ACTN4: variants seen among roughly 807,000 people sequenced by gnomAD.
ACTN4 encodes actinin alpha 4.
ACTN4 carries 18 observed loss-of-function variants against 114.2 expected under a neutral mutation model. That is an observed-to-expected ratio of 0.16 (90% CI 0.11 to 0.23). The LOEUF is 0.23. Ranked by LOEUF, ACTN4 falls within the 10% of genes least tolerant of loss-of-function variation. The pLI, the probability that ACTN4 is intolerant of heterozygous loss-of-function variation, is 1.00. For missense variants in ACTN4, 722 were observed against 1,262.9 expected (o/e 0.57, Z 6.49); for synonymous variants, 515 against 506.3 (o/e 1.02, Z -0.23).
At chr19:38,690,374 C>G (rs1450155377) in intron 1 of ACTN4, among the ~76,000 whole-genome samples, 1 of 152,258 alleles carries the variant, frequency 6.6e-6, no homozygotes, top group African/African-American at 2.4e-5. Flanking sequence ...CCCATTGCTG[C>G]TCATTCGGGC....
Position 38,727,606 on chromosome 19 carries a change from C to T in ACTN4, c.2338-340C>T, listed in dbSNP as rs147866444. Among the ~76,000 whole-genome samples, 3 of 151,644 alleles carry T rather than the reference C, an allele frequency of 2.0e-5. No homozygotes were observed. The highest frequency in any genetic ancestry group is 4.4e-5 in the Non-Finnish European group (3 of 67,878). ...GGATACAGTCCCCTCTGTCCCACTC[C>T]AAATCCCAAAGGCAAGGAGAACCCC... On this transcript the variant is annotated intron_variant, in intron 18 of 20. Coordinates refer to ENST00000252699, the MANE Select transcript of ACTN4 (RefSeq NM_004924.6). This position sits in a 1 kb window ranked among gnomAD's most constrained non-coding sequence, Gnocchi z 5.4.
intron 1 of ACTN4, among the ~76,000 whole-genome samples, chr19:38,694,999 C>T (rs924090827): frequency 2.0e-5 from 3 of 152,138 alleles, no homozygotes; most frequent in Non-Finnish European, 4.4e-5. Context: ...CTCAGCCTCT[C>T]GAGTAGCTGG....
intron 1 of ACTN4, among the ~76,000 whole-genome samples, chr19:38,686,890 C>T (rs984574999): frequency 2.0e-5 from 3 of 152,058 alleles, no homozygotes; most frequent in Non-Finnish European, 2.9e-5. Flanking sequence ...CCCGGGCCGC[C>T]TATCCCCCTT....
intron 1 of ACTN4, among the ~76,000 whole-genome samples, chr19:38,650,696 C>G (rs1411911521): frequency 6.6e-6 from 1 of 152,160 alleles, no homozygotes; most frequent in Non-Finnish European, 1.5e-5. Context: ...GGCTCTCTAC[C>G]TTCCTACTAA....
At chr19:38,707,145 A>C (rs1333473076) in intron 5 of ACTN4, among the ~76,000 whole-genome samples, 1 of 151,962 alleles carries the variant, frequency 6.6e-6, no homozygotes, top group Non-Finnish European at 1.5e-5. Context: ...GCTCACCCTG[A>C]TAGCATGTGG....
intron 5 of ACTN4, among the ~76,000 whole-genome samples, chr19:38,707,592 G>T (rs548334568): frequency 6.6e-6 from 1 of 152,280 alleles, no homozygotes; most frequent in South Asian, 2.1e-4. Flanking sequence ...AGACCAGCAT[G>T]CCAAGTGAAA....
At chr19:38,680,212 GTTTTTTT>G (rs75920199) in intron 1 of ACTN4, among the ~76,000 whole-genome samples, 4 of 124,342 alleles carry the variant, frequency 3.2e-5, no homozygotes, top group African/African-American at 6.8e-5. Flanking sequence ...AGCTCAGGAA[GTTTTTTT>G]TTTTTTTTTT....
chr19:38,727,232 A>T lies in ACTN4; in HGVS notation c.2337+129A>T, dbSNP rs2145104285. ...AGCGTCGGCCGCCACTCCCAGGGCC[A>T]GCAGGGCCCTGCCACTGTCAGGGTG... On this transcript the variant is annotated intron_variant, in intron 18 of 20. Coordinates refer to ENST00000252699, the MANE Select transcript of ACTN4 (RefSeq NM_004924.6). This position sits in a 1 kb window ranked among gnomAD's most constrained non-coding sequence, Gnocchi z 5.4. 7.2e-7 allele frequency: 1 copy of T among 1,396,764 alleles called. No homozygotes were observed. Among genetic ancestry groups the T allele is most frequent in the South Asian group, 1.2e-5 (1 of 81,656 alleles). 86.5% of individuals were successfully genotyped at this position (1,396,764 alleles called of 1,614,324 possible).
chr19:38,685,451 G>A (rs996342982), intron 1 of ACTN4, among the ~76,000 whole-genome samples: 2 of 152,156 alleles, frequency 1.3e-5, no homozygotes, highest in African/African-American at 4.8e-5. Context: ...CAGTGCTCAC[G>A]GAGCCTCTGT....
intron 1 of ACTN4, among the ~76,000 whole-genome samples, chr19:38,664,007 G>A (rs1026828606): frequency 2.6e-5 from 4 of 152,220 alleles, no homozygotes; most frequent in African/African-American, 9.6e-5. Context: ...AGCCCCTCAG[G>A]GCGTGTGGTG....
At chr19:38,665,875 C>G (rs545473180) in intron 1 of ACTN4, among the ~76,000 whole-genome samples, 84 of 152,288 alleles carry the variant, frequency 5.5e-4, no homozygotes, top group African/African-American at 2.0e-3. Context: ...CCCTTCCCCG[C>G]AAAGCAAAGT....
At chr19:38,701,233 C>A in intron 3 of ACTN4, 112 bp downstream of exon 3, 2 of 1,538,348 alleles carry the variant, frequency 1.3e-6, no homozygotes, top group Non-Finnish European at 8.8e-7. Flanking sequence ...GCGCTTGGGG[C>A]ACTCAGAGCC....
intron 1 of ACTN4, among the ~76,000 whole-genome samples, chr19:38,659,065 C>CTTTTTT (rs577141157): frequency 9.0e-6 from 1 of 111,692 alleles, no homozygotes; most frequent in Non-Finnish European, 1.8e-5. Context: ...CTTTTCTTTT[C>CTTTTTT]TTTTTTTTTT....
intron 19 of ACTN4, 65 bp downstream of exon 19, chr19:38,728,091 CTT>C (rs1292169910): frequency 2.5e-5 from 39 of 1,537,954 alleles, no homozygotes; most frequent in Non-Finnish European, 3.4e-5. Context: ...CTCCTTCTCT[CTT>C]TCTCCCCTCG....
intron 17 of ACTN4, 125 bp downstream of exon 17, chr19:38,726,028 T>C: frequency 7.4e-7 from 1 of 1,351,722 alleles, no homozygotes; most frequent in Non-Finnish European, 1.0e-6. Context: ...TTAAAAATTA[T>C]TGAAGAGACC....
intron 3 of ACTN4, 69 bp downstream of exon 3, chr19:38,701,190 T>C: frequency 6.2e-7 from 1 of 1,606,142 alleles, no homozygotes; most frequent in Non-Finnish European, 8.5e-7. Context: ...GCACAACATC[T>C]GCATCCTGAA....
intron 3 of ACTN4, among the ~76,000 whole-genome samples, 189 bp downstream of exon 3, chr19:38,701,310 C>G (rs1968268106): frequency 6.6e-6 from 1 of 152,194 alleles, no homozygotes; most frequent in Non-Finnish European, 1.5e-5. Flanking sequence ...CAAGCTCCCC[C>G]AAACCCTTGG....
At chr19:38,705,568 G>A (rs1188037950) in intron 4 of ACTN4, among the ~76,000 whole-genome samples, 2 of 152,230 alleles carry the variant, frequency 1.3e-5, no homozygotes, top group East Asian at 1.9e-4. Context: ...TCCTGCCCTC[G>A]AAGGGCTCCC....
chr19:38,694,320 C>T (rs1177745726), intron 1 of ACTN4, among the ~76,000 whole-genome samples: 2 of 151,238 alleles, frequency 1.3e-5, no homozygotes, highest in Admixed American at 6.6e-5. Context: ...AGTGCAGTGG[C>T]GCGATCTTGG....
Sources: gnomAD v4.1 joint callset for allele counts (sites outside exome capture counted in the v4.1 genomes callset) on GRCh38, gnomAD v4.1.1 for gene constraint, Gnocchi (gnomAD v3.1) non-coding constraint, MANE v1.5 for transcripts, NCBI Gene and HGNC (gene_info 2026-07-23, HGNC 2026-07-21) for gene names.